GPBP1: variants seen among roughly 807,000 people sequenced by gnomAD.
GPBP1 encodes vasculin.
In GPBP1, 13 loss-of-function variants were observed where a neutral mutation model predicts 56.5. The observed-to-expected ratio is 0.23, with a 90% CI of 0.15 to 0.37. The LOEUF is 0.37. GPBP1 is among the 10% of genes least tolerant of loss of function. GPBP1 has a pLI of 1.00. For synonymous variants in GPBP1, 204 were observed against 188.9 expected (o/e 1.08, Z -0.66); for missense variants, 477 against 572.3 (o/e 0.83, Z 1.70).
At chr5:57,253,034 T>C (rs536851361) in intron 10 of GPBP1, among the ~76,000 whole-genome samples, 1 of 152,288 alleles carries the variant, frequency 6.6e-6, no homozygotes, top group Non-Finnish European at 1.5e-5. Flanking sequence ...ACAGCACTTT[T>C]TGCTTCCATC....
At chr5:57,180,269 C>T (rs1753982563) in intron 2 of GPBP1, among the ~76,000 whole-genome samples, 1 of 152,086 alleles carries the variant, frequency 6.6e-6, no homozygotes, top group African/African-American at 2.4e-5. Flanking sequence ...TCCCCGCTGC[C>T]ATGCCCAGCT....
chr5:57,184,841 T>C (rs761511386), intron 2 of GPBP1, among the ~76,000 whole-genome samples: 2 of 152,244 alleles, frequency 1.3e-5, no homozygotes, highest in Non-Finnish European at 1.5e-5. Context: ...CTATTGGGTA[T>C]TTTCCGGAAT....
chr5:57,211,176 C>A (rs754883731), intron 2 of GPBP1, among the ~76,000 whole-genome samples: 2 of 144,608 alleles, frequency 1.4e-5, no homozygotes, highest in South Asian at 2.2e-4. Flanking sequence ...TTTTTTAAAT[C>A]TTTTTTCAGA....
intron 3 of GPBP1, among the ~76,000 whole-genome samples, chr5:57,223,836 AT>A (rs1230481741): frequency 6.7e-6 from 1 of 150,126 alleles, no homozygotes; most frequent in Non-Finnish European, 1.5e-5. Context: ...TGTTTATTTT[AT>A]TTTATTTTAT....
In GPBP1 at chr5:57,262,861, G is replaced by GAA; in HGVS notation, c.*110_*111dup. ...ATTTATGTAGTGAAATACCCCATTA[G>GAA]AAGAGGATTTTTTGGGGGACTTCAA... On this transcript the variant is annotated 3_prime_UTR_variant, in exon 12 of 12. Transcript: ENST00000506184. 3.1e-6 allele frequency: 3 copies of GAA among 982,648 alleles called. No homozygotes were observed. Among genetic ancestry groups the GAA allele is most frequent in the Non-Finnish European group, 4.5e-6 (3 of 666,236 alleles). The allele number at this position is 982,648 out of a possible 1,614,324, so 60.9% of individuals were successfully genotyped here. A position where few individuals can be genotyped will look rare whatever the true frequency, so the allele number is the denominator to read the frequency against.
chr5:57,178,163 C>T (rs550576065), intron 2 of GPBP1, among the ~76,000 whole-genome samples: 30 of 152,278 alleles, frequency 2.0e-4, no homozygotes, highest in African/African-American at 7.2e-4. Context: ...AGTTGCTTAA[C>T]AATATGCATC....
chr5:57,194,011 C>A (rs1754642257), intron 2 of GPBP1, among the ~76,000 whole-genome samples: 1 of 152,190 alleles, frequency 6.6e-6, no homozygotes, highest in African/African-American at 2.4e-5. Flanking sequence ...AAACCACATT[C>A]TTTTGCTTTC....
chr5:57,259,297 TTA>T (rs1491440617), intron 10 of GPBP1, among the ~76,000 whole-genome samples: 1 of 152,222 alleles, frequency 6.6e-6, no homozygotes, highest in Non-Finnish European at 1.5e-5. Context: ...GGATATCATG[TTA>T]TGTTTTATTC....
chr5:57,248,738 A>G (rs1192627483), intron 8 of GPBP1: 2 of 152,078 alleles, frequency 1.3e-5, no homozygotes, highest in African/African-American at 4.8e-5. Context: ...TTTATTTATG[A>G]TCTCAGACAG....
intron 3 of GPBP1, among the ~76,000 whole-genome samples, chr5:57,226,015 G>C (rs114987964): frequency 0.011 from 1,749 of 152,334 alleles, 31 homozygotes; most frequent in African/African-American, 0.04. Flanking sequence ...CAGTGTTCAT[G>C]TTTCTGAACT....
chr5:57,238,617 C>A (rs1044797354), intron 6 of GPBP1, among the ~76,000 whole-genome samples: 5 of 151,954 alleles, frequency 3.3e-5, no homozygotes, highest in African/African-American at 1.2e-4. Flanking sequence ...TTTTAGAAGT[C>A]CTATGGAGTA....
intron 2 of GPBP1, among the ~76,000 whole-genome samples, chr5:57,209,044 ATATT>A (rs1339123881): frequency 1.3e-5 from 2 of 151,966 alleles, no homozygotes; most frequent in Admixed American, 6.6e-5. Flanking sequence ...TTTCTTGGTT[ATATT>A]TATTTATTAT....
intron 3 of GPBP1, among the ~76,000 whole-genome samples, chr5:57,227,792 A>G (rs937058015): frequency 2.0e-4 from 31 of 152,220 alleles, no homozygotes; most frequent in Non-Finnish European, 2.9e-4. Context: ...ATGAAACAGT[A>G]TCCAGGCTAG....
At chr5:57,210,450 C>G (rs969035003) in intron 2 of GPBP1, among the ~76,000 whole-genome samples, 1 of 152,042 alleles carries the variant, frequency 6.6e-6, no homozygotes, top group Non-Finnish European at 1.5e-5. Context: ...TTAAGCCAGT[C>G]AAATTTAGTA....
intron 6 of GPBP1, among the ~76,000 whole-genome samples, chr5:57,240,225 TG>T (rs1740760451): frequency 6.6e-6 from 1 of 152,224 alleles, no homozygotes; most frequent in African/African-American, 2.4e-5. Context: ...CACTCCAGCC[TG>T]GGCAACAGAG....
intron 2 of GPBP1, among the ~76,000 whole-genome samples, chr5:57,190,694 CTTTTTTT>C (rs773540051): frequency 7.8e-4 from 54 of 68,860 alleles, no homozygotes; most frequent in African/African-American, 2.7e-3. Flanking sequence ...TTGCTGTTAG[CTTTTTTT>C]TTTTTTTTTT....
intron 2 of GPBP1, among the ~76,000 whole-genome samples, chr5:57,179,841 T>A (rs900436968): frequency 6.6e-6 from 1 of 152,118 alleles, no homozygotes; most frequent in Non-Finnish European, 1.5e-5. Flanking sequence ...CAGATGTCTG[T>A]CCACCTCTGC....
intron 3 of GPBP1, among the ~76,000 whole-genome samples, chr5:57,216,810 CCTG>C (rs1174374713): frequency 1.3e-5 from 2 of 152,084 alleles, no homozygotes; most frequent in Admixed American, 1.3e-4. Flanking sequence ...CTTCTGATAA[CCTG>C]CTTTACTTTC....
intron 3 of GPBP1, chr5:57,221,363 C>T: frequency 6.6e-7 from 1 of 1,524,596 alleles, no homozygotes; most frequent in Middle Eastern, 1.7e-4. Context: ...CTGATCTTAT[C>T]ATTTGTTAAT....
Sources: gnomAD v4.1 joint callset for allele counts (sites outside exome capture counted in the v4.1 genomes callset) on GRCh38, gnomAD v4.1.1 for gene constraint, MANE v1.5 for transcripts, NCBI Gene and HGNC (gene_info 2026-07-23, HGNC 2026-07-21) for gene names.